Variants in PKP4 observed in about 807,000 individuals in gnomAD.
The protein encoded by PKP4 is plakophilin 4, also known as plakophilin-4.
PKP4 carries 90 observed loss-of-function variants against 145.1 expected under a neutral mutation model. That is an observed-to-expected ratio of 0.62 (90% CI 0.52 to 0.74). The LOEUF (loss-of-function observed/expected upper bound fraction) is 0.74, where lower values mean the gene tolerates loss of function less well. PKP4 is among the 30% of genes least tolerant of loss of function. PKP4 has a pLI of 0.00. For synonymous variants in PKP4, 563 were observed against 577.2 expected, an observed-to-expected ratio of 0.98 and a Z score of 0.35; for missense variants, 1,340 against 1,482.7, an observed-to-expected ratio of 0.90 and a Z score of 1.58.
rs1433166435 is a variant in PKP4, at chr2:158,533,273, C to G, written c.89C>G (p.Pro30Arg). The G allele has an allele frequency of 6.2e-7, 1 of 1,614,146 alleles. No homozygotes were observed. The highest frequency in any genetic ancestry group is 1.1e-5 in the South Asian group (1 of 91,084). Residue 30 changes from proline (P) to arginine (R), a missense_variant, in exon 2 of 22, where the codon CCC becomes CGC. Pro to Arg is a moderately radical substitution (Grantham distance 103). Coordinates refer to ENST00000389759, the MANE Select transcript of PKP4 (RefSeq NM_003628.6). Reference protein sequence around the residue: ...EAASTGPGMEPETTATTILAS... With the variant: ...EAASTGPGMERETTATTILAS... ...GCCTCCACTGGCCCAGGCATGGAAC[C>G]CGAGACCACAGCCACCACTATTCTA...
rs761507002 is a variant in PKP4 at position 158,631,814 on chromosome 2, G to A, written c.1215G>A (p.Val405=). 4 of 1,613,942 alleles carry A rather than the reference G, an allele frequency of 2.5e-6. No individual in the cohort carries two copies. Among genetic ancestry groups the A allele is most frequent in the Admixed American group, 3.3e-5 (2 of 60,006 alleles). Residue 405 remains valine, a synonymous_variant, in exon 8 of 22, where the codon GTG becomes GTA. Coordinates refer to ENST00000389759, the MANE Select transcript of PKP4 (RefSeq NM_003628.6). ...SQLGQDLRSA[V]SPDLHITPIY... ...TTGGGCAAGACCTTCGTTCTGCCGT[G>A]TCTCCCGACTTGCACATTACTCCTA...
At chr2:158,555,628 G>A (rs1237171456) in intron 2 of PKP4, among the ~76,000 whole-genome samples, 4 of 152,156 alleles carry the variant, frequency 2.6e-5, no homozygotes, top group African/African-American at 9.7e-5. Context: ...CTTGTATTTG[G>A]ATGTGAAGAT....
At position 158,669,753 on chromosome 2, in the gene PKP4, T is replaced by C; in HGVS notation, c.2762T>C (p.Leu921Pro). 1 of 1,601,866 alleles carries C rather than the reference T, an allele frequency of 6.2e-7. No individual in the cohort carries two copies. Among genetic ancestry groups the C allele is most frequent in the Non-Finnish European group, 8.5e-7 (1 of 1,171,768 alleles). The change falls in exon 17 of 22, where the codon CTC becomes CCC. Residue 921 changes from leucine to proline, a missense_variant. Transcript: ENST00000389759. ...KYAMRDLVNR[L>P]PGGNGPSVLS... is the part of the protein sequence containing the mutation. ...GCCATGCGAGACCTGGTCAACCGGC[T>C]CCCCGGCGGCAATGGCCCCAGTGTC... is the stretch of plus-strand genomic sequence containing the variant.
At chr2:158,482,773 C>T (rs1281633930) in intron 1 of PKP4, among the ~76,000 whole-genome samples, 1 of 151,008 alleles carries the variant, frequency 6.6e-6, no homozygotes, top group Non-Finnish European at 1.5e-5. Context: ...GAGGTTGAGG[C>T]TGCAGTGAGT....
At chr2:158,611,012 A>G (rs1286684918) in intron 4 of PKP4, among the ~76,000 whole-genome samples, 1 of 152,234 alleles carries the variant, frequency 6.6e-6, no homozygotes, top group African/African-American at 2.4e-5. Context: ...CATGGGTAAG[A>G]AATTAGAGGC....
At chr2:158,626,842 T>C (rs1437875714) in intron 7 of PKP4, among the ~76,000 whole-genome samples, 1 of 152,212 alleles carries the variant, frequency 6.6e-6, no homozygotes, top group Admixed American at 6.5e-5. Context: ...TTTTTATAAT[T>C]CGTGAAAGCT....
chr2:158,496,768 G>T (rs911848366), intron 1 of PKP4, among the ~76,000 whole-genome samples: 31 of 144,998 alleles, frequency 2.1e-4, no homozygotes, highest in African/African-American at 7.9e-4. Flanking sequence ...CCGTGTGTGT[G>T]TGTGTGTGTG....
At chr2:158,561,498 T>A (rs866788965) in intron 2 of PKP4, among the ~76,000 whole-genome samples, 1 of 152,230 alleles carries the variant, frequency 6.6e-6, no homozygotes, top group African/African-American at 2.4e-5. Context: ...GCAGTTTGTT[T>A]ATGTTCACTG....
chr2:158,672,414 C>T (rs919742208), intron 17 of PKP4, among the ~76,000 whole-genome samples: 1 of 152,192 alleles, frequency 6.6e-6, no homozygotes, highest in Non-Finnish European at 1.5e-5. Context: ...GGGCACAGTC[C>T]TGCCTGGTCG....
At chr2:158,547,277 A>G (rs549302356) in intron 2 of PKP4, among the ~76,000 whole-genome samples, 6 of 152,330 alleles carry the variant, frequency 3.9e-5, no homozygotes, top group Admixed American at 1.3e-4. Flanking sequence ...AAACCACTTA[A>G]TTATCTGTCA....
At chr2:158,592,750 T>C (rs1013456258) in intron 3 of PKP4, among the ~76,000 whole-genome samples, 3 of 152,172 alleles carry the variant, frequency 2.0e-5, no homozygotes, top group African/African-American at 7.2e-5. Context: ...AATGTTTAAT[T>C]ACAAATTTAG....
chr2:158,488,122 A>G (rs960514285), intron 1 of PKP4, among the ~76,000 whole-genome samples: 3 of 152,194 alleles, frequency 2.0e-5, no homozygotes, highest in Admixed American at 1.3e-4. Context: ...TAACCATTGT[A>G]TGATCTGATT....
chr2:158,655,417 C>T (rs76018368), intron 11 of PKP4, among the ~76,000 whole-genome samples: 1 of 151,208 alleles, frequency 6.6e-6, no homozygotes, highest in African/African-American at 2.4e-5. Flanking sequence ...CAAAAAAAAA[C>T]AGGTTTTTCT....
At chr2:158,568,609 C>T (rs1409580952) in intron 2 of PKP4, among the ~76,000 whole-genome samples, 4 of 152,116 alleles carry the variant, frequency 2.6e-5, no homozygotes, top group East Asian at 3.9e-4. Flanking sequence ...TACATGGACC[C>T]GTGTGATGGT....
chr2:158,462,419 A>G lies in PKP4; in HGVS notation c.-6+5201A>G, dbSNP rs555517586. On this transcript the variant is annotated intron_variant, in intron 1 of 21. Transcript: ENST00000389759. Reference sequence around the variant, plus strand: ...AAAACTTTTCCAAGCTTGAATATACATAATCAGCCCTGTTTCCCCTTGTAC... The same window carrying G: ...AAAACTTTTCCAAGCTTGAATATACGTAATCAGCCCTGTTTCCCCTTGTAC... Among the ~76,000 whole-genome samples the G allele has an allele frequency of 2.4e-3, 360 of 152,230 alleles. 3 individuals carry two copies. The highest frequency in any genetic ancestry group is 6.8e-3 in the Middle Eastern group (2 of 294).
At chr2:158,530,500 CT>C (rs1254932285) in intron 1 of PKP4, among the ~76,000 whole-genome samples, 398 of 83,742 alleles carry the variant, frequency 4.8e-3, no homozygotes, top group East Asian at 0.015. Context: ...AGTACTCTTT[CT>C]TTCTTTTTTT....
At chr2:158,672,193 G>A (rs748974142) in intron 17 of PKP4, among the ~76,000 whole-genome samples, 9 of 152,190 alleles carry the variant, frequency 5.9e-5, no homozygotes, top group Non-Finnish European at 1.0e-4. Flanking sequence ...GATGAGGACT[G>A]CAACTTGACC....
chr2:158,594,985 A>G (rs1288902407), intron 3 of PKP4, among the ~76,000 whole-genome samples: 1 of 152,162 alleles, frequency 6.6e-6, no homozygotes, highest in African/African-American at 2.4e-5. Flanking sequence ...TTACTGAACT[A>G]GCTTAGTGCA....
At chr2:158,485,507 C>T (rs553188154) in intron 1 of PKP4, among the ~76,000 whole-genome samples, 1 of 152,282 alleles carries the variant, frequency 6.6e-6, no homozygotes, top group Non-Finnish European at 1.5e-5. Context: ...TTTGAAGCCT[C>T]CCCAAGACTC....
Sources: gnomAD v4.1 joint callset for allele counts (sites outside exome capture counted in the v4.1 genomes callset) on GRCh38, gnomAD v4.1.1 for gene constraint, MANE v1.5 for transcripts, NCBI Gene and HGNC (gene_info 2026-07-23, HGNC 2026-07-21) for gene names.